Variants in BTRC observed in about 807,000 individuals in gnomAD.
The protein encoded by BTRC is beta-transducin repeat containing E3 ubiquitin protein ligase.
In BTRC, 42 loss-of-function variants were observed where a neutral mutation model predicts 85.5. That is an observed-to-expected ratio of 0.49 (90% CI 0.38 to 0.64). BTRC has a LOEUF of 0.64. Among genes scored for constraint, BTRC ranks in the 30% least tolerant of loss-of-function variants. The pLI, the probability that BTRC is intolerant of heterozygous loss-of-function variation, is 0.00. For synonymous variants in BTRC, 255 were observed against 263.3 expected (o/e 0.97, Z 0.30); for missense variants, 594 against 743.5 (o/e 0.80, Z 2.34).
At chr10:101,389,115 G>GATTTTTTT (rs1943160776) in intron 1 of BTRC, among the ~76,000 whole-genome samples, 1 of 35,462 alleles carries the variant, frequency 2.8e-5, no homozygotes, top group Non-Finnish European at 4.9e-5. Context: ...GATTTTTTGT[G>GATTTTTTT]TGTGTTTTTT....
At position 101,518,154 on chromosome 10, in the gene BTRC, C is replaced by T. The variant is rs557334687; in HGVS notation, c.325-3485C>T. On this transcript the variant is annotated intron_variant, in intron 4 of 14. Coordinates refer to ENST00000370187, the MANE Select transcript of BTRC (RefSeq NM_033637.4). ...GTCTCGATCTCCTGACCTCGTGATC[C>T]GCCCGCCTCGGCCTCCCAAAGTGCT... Among the ~76,000 whole-genome samples the T allele has an allele frequency of 8.5e-5, 13 of 152,104 alleles. No homozygotes were observed. The East Asian group carries it at 1.4e-3, about 16-fold the overall frequency.
At chr10:101,533,775 T>C (rs2062337541) in intron 9 of BTRC, among the ~76,000 whole-genome samples, 1 of 152,228 alleles carries the variant, frequency 6.6e-6, no homozygotes, top group Admixed American at 6.5e-5. Flanking sequence ...ATGTTTACCA[T>C]TCCAAGTTAT....
intron 2 of BTRC, among the ~76,000 whole-genome samples, chr10:101,455,241 G>A (rs1037893324): frequency 6.1e-5 from 9 of 147,470 alleles, no homozygotes; most frequent in Non-Finnish European, 1.2e-4. Flanking sequence ...TTTTTATGTA[G>A]AGGTAGGGTC....
rs1226308992 is a variant in BTRC at position 101,462,024 on chromosome 10, G to A, written c.200G>A (p.Arg67Lys). The change falls in exon 3 of 15, where the codon AGG (arginine) becomes AAG (lysine). Residue 67 changes from arginine (R) to lysine (K), a missense_variant. Transcript: ENST00000370187. ...REDCNNGEPP[R>K]KIIPEKNSLR... ...GACTGTAATAATGGCGAACCCCCTA[G>A]GAAGATAATACCAGAGAAGAATTCA... 1 of 1,612,190 alleles carries A rather than the reference G, an allele frequency of 6.2e-7. No homozygotes were observed. Among genetic ancestry groups the A allele is most frequent in the African/African-American group, 1.3e-5 (1 of 74,958 alleles).
chr10:101,399,056 G>A (rs1254133919), intron 1 of BTRC, among the ~76,000 whole-genome samples: 1 of 152,198 alleles, frequency 6.6e-6, no homozygotes, highest in African/African-American at 2.4e-5. Flanking sequence ...GGGCTCAAGC[G>A]ATTCTCCTGC....
At position 101,553,387 on chromosome 10, in the gene BTRC, T is replaced by A. The variant is rs1395495490; in HGVS notation, c.*264T>A. On this transcript the variant is annotated 3_prime_UTR_variant, in exon 15 of 15. Transcript: ENST00000370187. ...TATCTTTTGTGAATGATTGGAACTT[T>A]TAAACCTCCCCTCCTCTCCTCCTTT... is the stretch of plus-strand genomic sequence containing the variant. The A allele has an allele frequency of 1.3e-5, 2 of 152,698 alleles. No individual in the cohort carries two copies. The highest frequency in any genetic ancestry group is 2.9e-5 in the Non-Finnish European group (2 of 68,088). 9.5% of individuals were successfully genotyped at this position (152,698 alleles called of 1,614,324 possible).
chr10:101,438,491 T>C (rs1247383089), intron 2 of BTRC, among the ~76,000 whole-genome samples: 5 of 151,784 alleles, frequency 3.3e-5, no homozygotes, highest in Admixed American at 3.3e-4. Flanking sequence ...TTTTATGTTT[T>C]TATGTCTCAC....
intron 1 of BTRC, among the ~76,000 whole-genome samples, chr10:101,385,615 C>CTTTTTTTTTTTTTTTTTTTT (rs146804594): frequency 2.0e-5 from 1 of 48,904 alleles, no homozygotes; most frequent in African/African-American, 5.5e-5. Context: ...CTTTCTTCTT[C>CTTTTTTTTTTTTTTTTTTTT]TTCTTTTTTT....
intron 13 of BTRC, among the ~76,000 whole-genome samples, chr10:101,539,454 A>C (rs986862236): frequency 6.6e-6 from 1 of 152,200 alleles, no homozygotes; most frequent in East Asian, 1.9e-4. Flanking sequence ...GTGTGTATGT[A>C]TAAGACAGGG....
At chr10:101,503,837 G>C (rs1345812316) in intron 4 of BTRC, among the ~76,000 whole-genome samples, 1 of 152,172 alleles carries the variant, frequency 6.6e-6, no homozygotes, top group African/African-American at 2.4e-5. Context: ...TTTTTCAGGA[G>C]CAAGTTTTAC....
chr10:101,381,133 T>C (rs1293387994), intron 1 of BTRC, among the ~76,000 whole-genome samples: 3 of 152,120 alleles, frequency 2.0e-5, no homozygotes, highest in East Asian at 3.9e-4. Context: ...GTGATAATAA[T>C]AACAATAATA....
At position 101,502,639 on chromosome 10, in the gene BTRC, A is replaced by G. The variant is rs554318057; in HGVS notation, c.325-19000A>G. Among the ~76,000 whole-genome samples, 51 of 152,258 alleles carry G rather than the reference A, an allele frequency of 3.3e-4. 1 individual carries two copies. The highest frequency in any genetic ancestry group is 6.0e-4 in the Non-Finnish European group (41 of 68,002). On this transcript the variant is annotated intron_variant, in intron 4 of 14. Transcript: ENST00000370187. The stretch of plus-strand genomic sequence containing the variant: ...AAAGCATCAATATAGTGATAGTAGC[A>G]TCCTTCTTGGTGAGAGAAGGGGACT...
intron 13 of BTRC, among the ~76,000 whole-genome samples, chr10:101,539,425 T>C (rs1205273004): frequency 6.6e-6 from 1 of 152,252 alleles, no homozygotes; most frequent in Non-Finnish European, 1.5e-5. Flanking sequence ...ACATTTCTTG[T>C]CTTCCTTGTT....
At chr10:101,458,724 T>C (rs928191998) in intron 2 of BTRC, among the ~76,000 whole-genome samples, 2 of 152,198 alleles carry the variant, frequency 1.3e-5, no homozygotes, top group African/African-American at 4.8e-5. Flanking sequence ...GTTAGCCTGA[T>C]GTTTTCTTAT....
intron 1 of BTRC, among the ~76,000 whole-genome samples, chr10:101,412,429 A>G (rs1165009120): frequency 6.6e-6 from 1 of 152,078 alleles, no homozygotes; most frequent in Non-Finnish European, 1.5e-5. Context: ...ACATTCTGGC[A>G]TTGTTTGTTG....
chr10:101,455,808 T>A (rs1945060365), intron 2 of BTRC, among the ~76,000 whole-genome samples: 1 of 152,184 alleles, frequency 6.6e-6, no homozygotes, highest in Non-Finnish European at 1.5e-5. Flanking sequence ...GCCAAAAAGC[T>A]ATAAAAGGCT....
intron 13 of BTRC, among the ~76,000 whole-genome samples, chr10:101,545,545 T>G (rs914118349): frequency 6.6e-6 from 1 of 152,172 alleles, no homozygotes; most frequent in African/African-American, 2.4e-5. Context: ...GAGTAGGCCC[T>G]AATCCAATAT....
At chr10:101,382,175 G>T (rs1040989074) in intron 1 of BTRC, among the ~76,000 whole-genome samples, 1 of 151,218 alleles carries the variant, frequency 6.6e-6, no homozygotes, top group African/African-American at 2.4e-5. Flanking sequence ...TAGAGATGGG[G>T]TTTCACCATG....
chr10:101,508,031 G>A (rs1024926610), intron 4 of BTRC, among the ~76,000 whole-genome samples: 2 of 152,144 alleles, frequency 1.3e-5, no homozygotes, highest in African/African-American at 4.8e-5. Context: ...AGTTGCATGA[G>A]GGGGCCAATA....
Sources: gnomAD v4.1 joint callset for allele counts (sites outside exome capture counted in the v4.1 genomes callset) on GRCh38, gnomAD v4.1.1 for gene constraint, MANE v1.5 for transcripts, NCBI Gene and HGNC (gene_info 2026-07-23, HGNC 2026-07-21) for gene names.